Variants in PDZRN3 observed in about 807,000 individuals in gnomAD.
PDZRN3 encodes PDZ domain containing ring finger 3.
In PDZRN3, 38 loss-of-function variants were observed where a neutral mutation model predicts 85.7. That is an observed-to-expected ratio of 0.44 (90% confidence interval 0.34 to 0.58). The LOEUF is 0.58. Among genes scored for constraint, PDZRN3 ranks in the 20% least tolerant of loss-of-function variants. The pLI is 0.01. For missense variants in PDZRN3, 1,629 were observed against 1,506.4 expected (o/e 1.08, Z -1.35); for synonymous variants, 759 against 638.0 (o/e 1.19, Z -2.86).
chr3:73,476,248 C>T (rs946719872), intron 3 of PDZRN3, among the ~76,000 whole-genome samples: 4 of 152,084 alleles, frequency 2.6e-5, no homozygotes, highest in Admixed American at 2.6e-4. Context: ...GCTGGGGAGG[C>T]CTCAGGAAAC....
intron 4 of PDZRN3, 101 bp downstream of exon 4, chr3:73,404,047 A>G: frequency 8.3e-7 from 1 of 1,199,428 alleles, no homozygotes; most frequent in African/African-American, 1.5e-5. Context: ...ACTTGGAGGA[A>G]AACTATAGGG....
chr3:73,531,046 C>T (rs977963550), intron 3 of PDZRN3, among the ~76,000 whole-genome samples: 10 of 151,978 alleles, frequency 6.6e-5, no homozygotes, highest in South Asian at 2.1e-4. Flanking sequence ...GTCAGGAGAT[C>T]GAGACCATCC....
At chr3:73,592,174 C>T (rs1383775202) in intron 3 of PDZRN3, among the ~76,000 whole-genome samples, 5 of 152,078 alleles carry the variant, frequency 3.3e-5, no homozygotes, top group African/African-American at 4.8e-5. Context: ...ATCTGGCTAA[C>T]GGATCCTCAA....
At chr3:73,422,432 T>A (rs1343525562) in intron 3 of PDZRN3, among the ~76,000 whole-genome samples, 1 of 152,228 alleles carries the variant, frequency 6.6e-6, no homozygotes, top group Non-Finnish European at 1.5e-5. Flanking sequence ...ATATAACTCA[T>A]GCATTTAAAG....
chr3:73,536,467 G>T (rs1004412493), intron 3 of PDZRN3, among the ~76,000 whole-genome samples: 5 of 152,192 alleles, frequency 3.3e-5, no homozygotes, highest in Non-Finnish European at 5.9e-5. Flanking sequence ...ATGTGGCTTT[G>T]CTGGCATGAC....
At chr3:73,395,873 T>G (rs1701624993) in intron 5 of PDZRN3, among the ~76,000 whole-genome samples, 1 of 152,156 alleles carries the variant, frequency 6.6e-6, no homozygotes, top group Non-Finnish European at 1.5e-5. Flanking sequence ...AGTAAATGAG[T>G]TAGACAAGAG....
intron 3 of PDZRN3, among the ~76,000 whole-genome samples, chr3:73,413,456 C>G (rs536541115): frequency 6.6e-6 from 1 of 152,318 alleles, no homozygotes; most frequent in East Asian, 1.9e-4. Context: ...ATGCTTCACA[C>G]ACATGATTTC....
chr3:73,409,236 A>C (rs1210652172), intron 3 of PDZRN3, among the ~76,000 whole-genome samples: 4 of 152,224 alleles, frequency 2.6e-5, no homozygotes, highest in African/African-American at 7.2e-5. Flanking sequence ...ATCCTTTAGC[A>C]TAAGGTCTCC....
chr3:73,422,545 C>G (rs1702225151), intron 3 of PDZRN3, among the ~76,000 whole-genome samples: 1 of 152,074 alleles, frequency 6.6e-6, no homozygotes, highest in Non-Finnish European at 1.5e-5. Context: ...CTTGTTAATT[C>G]AAGGATAAAA....
intron 3 of PDZRN3, among the ~76,000 whole-genome samples, chr3:73,561,119 C>T (rs925641884): frequency 3.3e-5 from 5 of 152,186 alleles, no homozygotes; most frequent in Non-Finnish European, 7.3e-5. Context: ...AGTTAGGATG[C>T]TTTACTTCTC....
At chr3:73,516,815 C>T (rs1704264662) in intron 3 of PDZRN3, among the ~76,000 whole-genome samples, 1 of 152,002 alleles carries the variant, frequency 6.6e-6, no homozygotes, top group South Asian at 2.1e-4. Context: ...GAGTCCTGGA[C>T]ACCTGCCCAA....
At chr3:73,413,411 C>T (rs975571586) in intron 3 of PDZRN3, among the ~76,000 whole-genome samples, 3 of 152,196 alleles carry the variant, frequency 2.0e-5, no homozygotes, top group Non-Finnish European at 4.4e-5. Context: ...GAACGCCACA[C>T]ATGGGTTTTT....
chr3:73,520,187 T>C (rs1478000537), intron 3 of PDZRN3, among the ~76,000 whole-genome samples: 1 of 152,098 alleles, frequency 6.6e-6, no homozygotes, highest in African/African-American at 2.4e-5. Context: ...TATATATCTT[T>C]GGGGCTGCTA....
At position 73,397,038 on chromosome 3, in the gene PDZRN3, CT is replaced by C. The variant is rs199940941; in HGVS notation, c.1254+3883del. ...TTTTATTTCTTTCTTCTTTTTCTTT[CT>C]TTTTTTTTTTTTGAGACAGAGTCTT... On this transcript the variant is annotated intron_variant, in intron 5 of 9. Coordinates refer to ENST00000263666, the MANE Select transcript of PDZRN3 (RefSeq NM_015009.3). Among the ~76,000 whole-genome samples, 1,252 of 143,768 alleles carry C rather than the reference CT, an allele frequency of 8.7e-3. 7 individuals carry two copies. Among genetic ancestry groups the C allele is most frequent in the African/African-American group, 0.027 (1,066 of 39,436 alleles). 94.3% of individuals were successfully genotyped at this position (143,768 alleles called of 152,430 possible). A position where few individuals can be genotyped will look rare whatever the true frequency, so the allele number is the denominator to read the frequency against.
intron 3 of PDZRN3, among the ~76,000 whole-genome samples, chr3:73,539,246 A>G (rs1319526705): frequency 6.6e-6 from 1 of 152,202 alleles, no homozygotes; most frequent in Non-Finnish European, 1.5e-5. Flanking sequence ...CATAGTTTCG[A>G]ACCACAAAAT....
intron 3 of PDZRN3, among the ~76,000 whole-genome samples, chr3:73,501,308 G>C (rs1278577491): frequency 6.6e-6 from 1 of 152,060 alleles, no homozygotes; most frequent in Admixed American, 6.5e-5. Context: ...CTGTCAACTG[G>C]GACACGGGCT....
chr3:73,521,222 C>A (rs565532310), intron 3 of PDZRN3, among the ~76,000 whole-genome samples: 1 of 152,160 alleles, frequency 6.6e-6, no homozygotes, highest in African/African-American at 2.4e-5. Context: ...CGTCAGCACC[C>A]CTCCTCTGCT....
intron 3 of PDZRN3, among the ~76,000 whole-genome samples, chr3:73,474,988 T>C (rs1337378926): frequency 2.6e-5 from 4 of 152,176 alleles, no homozygotes; most frequent in East Asian, 1.9e-4. Context: ...AGAATGGTTA[T>C]TGAAGCTTCC....
At chr3:73,456,073 A>G (rs1702970139) in intron 3 of PDZRN3, among the ~76,000 whole-genome samples, 1 of 152,254 alleles carries the variant, frequency 6.6e-6, no homozygotes, top group South Asian at 2.1e-4. Flanking sequence ...AATTGTTAGT[A>G]TCAGAAAATG....
Sources: allele counts gnomAD v4.1 joint callset (sites outside exome capture counted in the v4.1 genomes callset), GRCh38; gene constraint gnomAD v4.1.1; transcripts MANE v1.5; gene names NCBI Gene and HGNC (gene_info 2026-07-23, HGNC 2026-07-21).